The following SLIT2 variants were observed in gnomAD, a reference collection of about 807,000 sequenced individuals.
SLIT2 encodes the protein slit guidance ligand 2.
A neutral mutation model predicts 185.7 loss-of-function variants in SLIT2; 41 were observed. The ratio of observed to expected loss-of-function variants is 0.22; its 90% confidence interval spans 0.17 to 0.29. SLIT2 has a LOEUF of 0.29. Among genes scored for constraint, SLIT2 ranks in the 10% least tolerant of loss-of-function variants. The pLI is 1.00. For synonymous variants in SLIT2, 693 were observed against 680.2 expected (o/e 1.02, Z -0.29); for missense variants, 1,571 against 1,909.0 (o/e 0.82, Z 3.30).
chr4:20,533,878 A>ACCAC (rs879634085), intron 18 of SLIT2, among the ~76,000 whole-genome samples, 163 bp downstream of exon 18: 1 of 151,670 alleles, frequency 6.6e-6, no homozygotes, highest in East Asian at 2.0e-4. Flanking sequence ...ACACACACAC[A>ACCAC]TGTATTGTGA....
intron 5 of SLIT2, among the ~76,000 whole-genome samples, chr4:20,470,561 C>A (rs1206074285): frequency 6.8e-6 from 1 of 146,100 alleles, no homozygotes; most frequent in Non-Finnish European, 1.5e-5. Flanking sequence ...GTGCCCAACC[C>A]CAGTTTGTTT....
At chr4:20,310,835 G>A (rs1718040915) in intron 4 of SLIT2, among the ~76,000 whole-genome samples, 1 of 152,126 alleles carries the variant, frequency 6.6e-6, no homozygotes, top group Non-Finnish European at 1.5e-5. Context: ...TCACAGTATA[G>A]GTAATCCATA....
chr4:20,502,859 A>T (rs1223863413), intron 9 of SLIT2, among the ~76,000 whole-genome samples: 1 of 152,194 alleles, frequency 6.6e-6, no homozygotes, highest in Non-Finnish European at 1.5e-5. Context: ...GGTGGTTTGA[A>T]AGAAAGGAGC....
In SLIT2 at chr4:20,555,918, T is replaced by A. The variant is rs550883739; in HGVS notation, c.2725+1950T>A. 6.2e-3 allele frequency among the ~76,000 whole-genome samples: 943 copies of A among 152,140 alleles called. 19 individuals are homozygous for A. The highest frequency in any genetic ancestry group is 0.021 in the African/African-American group (883 of 41,410). On this transcript the variant is annotated intron_variant, in intron 26 of 36. Transcript: ENST00000504154. ...CAATACCCCAGAAAATTGTGTCATT[T>A]TTTTGCTCCAAAAACTATGTATACA...
At chr4:20,388,790 A>T (rs28635022) in intron 4 of SLIT2, among the ~76,000 whole-genome samples, 30,136 of 129,198 alleles carry the variant, frequency 0.23, 3,506 homozygotes, top group African/African-American at 0.31. Context: ...AAAAAAAAAA[A>T]AAATATATAT....
chr4:20,565,737 G>A (rs527479599), intron 26 of SLIT2, among the ~76,000 whole-genome samples: 1 of 151,958 alleles, frequency 6.6e-6, no homozygotes, highest in East Asian at 1.9e-4. Context: ...GAAGAAGTAA[G>A]CACCACCTCT....
intron 29 of SLIT2, among the ~76,000 whole-genome samples, chr4:20,571,647 A>G (rs113150836): frequency 6.6e-5 from 10 of 152,268 alleles, no homozygotes; most frequent in African/African-American, 2.4e-4. Context: ...TTTAAATTTG[A>G]GTTTGGAATC....
chr4:20,291,474 ATATATATATATATATATATTTTTT>A (rs1197712463), intron 4 of SLIT2, among the ~76,000 whole-genome samples: 38 of 12,066 alleles, frequency 3.1e-3, no homozygotes, highest in Middle Eastern at 0.038. Context: ...ATATATATAT[ATATATATATATATATATATTTTTT>A]TTTTTTTTTT....
At chr4:20,575,984 G>A (rs182828627) in intron 29 of SLIT2, among the ~76,000 whole-genome samples, 2 of 152,228 alleles carry the variant, frequency 1.3e-5, no homozygotes, top group African/African-American at 4.8e-5. Context: ...TTTTTCTTCT[G>A]TGAAAGAGGA....
At position 20,289,984 on chromosome 4, in the gene SLIT2, C is replaced by A. The variant is rs566942099; in HGVS notation, c.395+21103C>A. 6.8e-4 allele frequency among the ~76,000 whole-genome samples: 104 copies of A among 151,966 alleles called. 1 individual carries two copies. The South Asian group carries it at 0.01, about 15-fold the overall frequency. On this transcript the variant is annotated intron_variant, in intron 4 of 36. Transcript: ENST00000504154. ...GCTGCACAGGCATATGCAGTTCCTA[C>A]GATATGCCTCCCTCTACACCGCCAC...
intron 34 of SLIT2, chr4:20,616,224 C>T (rs1384751027): frequency 1.3e-5 from 2 of 152,104 alleles, no homozygotes; most frequent in Non-Finnish European, 2.9e-5. Context: ...CATCATTGAC[C>T]AAGCTTAGGG....
At chr4:20,305,353 T>G (rs1717440901) in intron 4 of SLIT2, among the ~76,000 whole-genome samples, 1 of 152,206 alleles carries the variant, frequency 6.6e-6, no homozygotes, top group Admixed American at 6.5e-5. Flanking sequence ...AATTAAGGTC[T>G]ATGTCACCTG....
At chr4:20,456,236 A>G (rs755873697) in intron 4 of SLIT2, among the ~76,000 whole-genome samples, 8 of 152,142 alleles carry the variant, frequency 5.3e-5, no homozygotes, top group Admixed American at 5.2e-4. Context: ...TTAGTCCTCT[A>G]GTCAGTGTTT....
chr4:20,259,014 AT>A (rs1712157961), intron 3 of SLIT2, among the ~76,000 whole-genome samples: 1 of 151,618 alleles, frequency 6.6e-6, no homozygotes, highest in African/African-American at 2.4e-5. Flanking sequence ...TATAGACTAT[AT>A]TTTTATCACC....
intron 11 of SLIT2, among the ~76,000 whole-genome samples, chr4:20,518,557 G>GTGTATATATATATATATATA (rs1271279922): frequency 0.017 from 301 of 17,840 alleles, 61 homozygotes; most frequent in South Asian, 0.024. Flanking sequence ...CAGCCTATAT[G>GTGTATATATATATATATATA]TATATATATA....
intron 4 of SLIT2, among the ~76,000 whole-genome samples, chr4:20,367,718 C>G (rs1437764874): frequency 6.6e-6 from 1 of 152,138 alleles, no homozygotes; most frequent in African/African-American, 2.4e-5. Flanking sequence ...TGACAGGTCC[C>G]TGACCTTGGC....
intron 35 of SLIT2, 41 bp from the exon 36 acceptor site, chr4:20,617,398 T>C (rs371453785): frequency 2.6e-6 from 4 of 1,566,520 alleles, no homozygotes; most frequent in Non-Finnish European, 2.6e-6. Flanking sequence ...TTACCTCCTC[T>C]TCTGAATGCA....
At chr4:20,495,455 A>G (rs1577783155) in intron 9 of SLIT2, among the ~76,000 whole-genome samples, 2 of 152,192 alleles carry the variant, frequency 1.3e-5, no homozygotes, top group East Asian at 3.9e-4. Flanking sequence ...GAGAAGAGTA[A>G]GATGGAGACA....
At chr4:20,260,346 G>A (rs552677326) in intron 3 of SLIT2, among the ~76,000 whole-genome samples, 11 of 151,784 alleles carry the variant, frequency 7.2e-5, no homozygotes, top group African/African-American at 2.7e-4. Flanking sequence ...GAATTTAGTT[G>A]TGAAATTTAA....
Sources: allele counts gnomAD v4.1 joint callset (sites outside exome capture counted in the v4.1 genomes callset), GRCh38; gene constraint gnomAD v4.1.1; transcripts MANE v1.5; gene names NCBI Gene and HGNC (gene_info 2026-07-23, HGNC 2026-07-21).